Variants in PCDHGB1 observed in about 807,000 individuals in gnomAD.
PCDHGB1 encodes protocadherin gamma subfamily B, 1.
A neutral mutation model predicts 56.6 loss-of-function variants in PCDHGB1; 34 were observed. The ratio of observed to expected loss-of-function variants is 0.60; its 90% CI spans 0.46 to 0.80. The LOEUF is 0.80. Among genes scored for constraint, PCDHGB1 ranks in the 30% least tolerant of loss-of-function variants. The pLI is 0.00. For synonymous variants in PCDHGB1, 561 were observed against 505.9 expected (o/e 1.11, Z -1.46); for missense variants, 1,278 against 1,204.6 (o/e 1.06, Z -0.90).
chr5:141,423,501 C>G, intron 1 of PCDHGB1: 1 of 1,613,990 alleles, frequency 6.2e-7, no homozygotes, highest in African/African-American at 1.3e-5. Flanking sequence ...CCCACGAGGT[C>G]TCTCTCATTG....
intron 1 of PCDHGB1, among the ~76,000 whole-genome samples, chr5:141,381,826 C>CTTCTTTT (rs1777532522): frequency 2.4e-4 from 18 of 74,296 alleles, no homozygotes; most frequent in Admixed American, 1.2e-3. Context: ...CTTTCTTCTT[C>CTTCTTTT]TTTTTTTTTT....
chr5:141,357,123 G>T lies in PCDHGB1; in HGVS notation c.2409+4454G>T. On this transcript the variant is annotated intron_variant, in intron 1 of 3. Coordinates refer to ENST00000523390, the MANE Select transcript of PCDHGB1 (RefSeq NM_018922.3). ...TGGACAGAGACGCGCTCAAGCAGAG[G>T]CTTGTAGTGGTCGTCCAGGACCATG... 8 of 1,613,670 alleles carry T rather than the reference G, an allele frequency of 5.0e-6. No individual in the cohort carries two copies. The South Asian group carries it at 6.6e-5, about 13-fold the overall frequency.
rs770093591 is a variant in PCDHGB1 at position 141,486,147 on chromosome 5, G to T, written c.2410-8660G>T. ...GAATTTGATGTGCGGGCTCGCGATG[G>T]GGGTTCTCCAGCCATGGAGCAACAT... On this transcript the variant is annotated intron_variant, in intron 1 of 3. Transcript: ENST00000523390. This position sits in a 1 kb window ranked among gnomAD's most constrained non-coding sequence, Gnocchi z 5.0. The T allele has an allele frequency of 6.2e-7, 1 of 1,614,168 alleles. No individual in the cohort carries two copies. The highest frequency in any genetic ancestry group is 1.7e-5 in the Admixed American group (1 of 60,028).
intron 1 of PCDHGB1, among the ~76,000 whole-genome samples, chr5:141,482,530 C>CAAAAAAAAAAAAAAAAAAAAAA (rs3074545): frequency 1.3e-5 from 1 of 76,562 alleles, no homozygotes. Context: ...GACAGACATG[C>CAAAAAAAAAAAAAAAAAAAAAA]AAAAAAAAAA....
intron 1 of PCDHGB1, chr5:141,365,786 C>T (rs1446985601): frequency 6.2e-7 from 1 of 1,613,932 alleles, no homozygotes; most frequent in Non-Finnish European, 8.5e-7. Context: ...CGACAACGCT[C>T]GAGTCACCTA....
intron 1 of PCDHGB1, among the ~76,000 whole-genome samples, chr5:141,457,687 G>A (rs2098927754): frequency 6.6e-6 from 1 of 152,198 alleles, no homozygotes; most frequent in Admixed American, 6.5e-5. Context: ...TAGGACTTTT[G>A]GATTGGCTTT....
At chr5:141,448,523 A>G (rs2098593853) in intron 1 of PCDHGB1, among the ~76,000 whole-genome samples, 1 of 152,166 alleles carries the variant, frequency 6.6e-6, no homozygotes, top group African/African-American at 2.4e-5. Context: ...TTTATTAAGC[A>G]TCCTGTCAGC....
At position 141,481,036 on chromosome 5, in the gene PCDHGB1, C is replaced by T. The variant is rs1040377549; in HGVS notation, c.2410-13771C>T. Among the ~76,000 whole-genome samples, 19 of 151,964 alleles carry T rather than the reference C, an allele frequency of 1.3e-4. 1 individual carries two copies. The highest frequency in any genetic ancestry group is 3.4e-4 in the African/African-American group (14 of 41,456). ...TCACACCACTGCACTCCAGCCTGGG[C>T]GACAGAGCGAGACTCCACCTCAAAA... is the stretch of plus-strand genomic sequence containing the variant. On this transcript the variant is annotated intron_variant, in intron 1 of 3. Transcript: ENST00000523390.
intron 1 of PCDHGB1, chr5:141,357,084 C>G (rs1399515564): frequency 3.1e-6 from 5 of 1,613,794 alleles, no homozygotes; most frequent in Admixed American, 1.7e-5. Context: ...AGGTGCGCAC[C>G]GCACGGGCCC....
chr5:141,375,920 G>A, intron 1 of PCDHGB1: 1 of 1,613,748 alleles, frequency 6.2e-7, no homozygotes, highest in Admixed American at 1.7e-5. Flanking sequence ...CAAGGCCAGC[G>A]AGCCAGGACT....
chr5:141,443,974 G>A (rs775899117), intron 1 of PCDHGB1, among the ~76,000 whole-genome samples: 5 of 152,066 alleles, frequency 3.3e-5, no homozygotes, highest in Non-Finnish European at 7.4e-5. Context: ...GTCCATCTAA[G>A]CTATGTTAAT....
intron 1 of PCDHGB1, chr5:141,430,691 G>C (rs1479214920): frequency 1.4e-6 from 2 of 1,416,472 alleles, no homozygotes; most frequent in Non-Finnish European, 1.9e-6. Flanking sequence ...CCATTCTATG[G>C]GCGAAGGAAC....
intron 1 of PCDHGB1, chr5:141,478,323 G>T (rs1234175290): frequency 1.2e-6 from 2 of 1,613,958 alleles, no homozygotes; most frequent in African/African-American, 2.7e-5. Context: ...TCACTGTACC[G>T]AACACCAGGG....
At chr5:141,422,480 G>A in intron 1 of PCDHGB1, 2 of 1,613,906 alleles carry the variant, frequency 1.2e-6, no homozygotes, top group South Asian at 2.2e-5. Flanking sequence ...TTGGTCCAGA[G>A]CTACAATATA....
chr5:141,372,366 G>A lies in PCDHGB1; in HGVS notation c.2409+19697G>A, dbSNP rs867619570. ...AGGACAGCAGCCTCTTTCAGCCACC[G>A]TCATGCTGCACCTAATCTTCGCAGA... On this transcript the variant is annotated intron_variant, in intron 1 of 3. Coordinates refer to ENST00000523390, the MANE Select transcript of PCDHGB1 (RefSeq NM_018922.3). The A allele has an allele frequency of 3.7e-6, 6 of 1,613,832 alleles. No homozygotes were observed. In the African/African-American group the frequency reaches 6.7e-5, roughly 18 times the overall value.
chr5:141,438,627 T>TAC (rs2098030812), intron 1 of PCDHGB1, among the ~76,000 whole-genome samples: 3 of 48,012 alleles, frequency 6.2e-5, no homozygotes, highest in Non-Finnish European at 1.0e-4. Flanking sequence ...TATATATATA[T>TAC]ATATATATAC....
chr5:141,369,686 T>A (rs1449801725), intron 1 of PCDHGB1, among the ~76,000 whole-genome samples: 1 of 152,156 alleles, frequency 6.6e-6, no homozygotes, highest in Non-Finnish European at 1.5e-5. Context: ...AAACATAGAA[T>A]AAAACTAAAA....
intron 1 of PCDHGB1, chr5:141,375,340 C>T (rs1177631226): frequency 1.2e-6 from 2 of 1,613,836 alleles, no homozygotes; most frequent in African/African-American, 1.3e-5. Context: ...TCTTGTACAA[C>T]ATCACTGTGA....
chr5:141,420,304 T>C, intron 1 of PCDHGB1: 1 of 1,462,822 alleles, frequency 6.8e-7, no homozygotes, highest in African/African-American at 1.4e-5. Context: ...TTTAATCCTT[T>C]TTATATTACA....
Sources: gnomAD v4.1 joint callset for allele counts (sites outside exome capture counted in the v4.1 genomes callset) on GRCh38, gnomAD v4.1.1 for gene constraint, Gnocchi (gnomAD v3.1) non-coding constraint, MANE v1.5 for transcripts, NCBI Gene and HGNC (gene_info 2026-07-23, HGNC 2026-07-21) for gene names.